The following CAMK2B variants were observed in gnomAD, a reference collection of about 807,000 sequenced individuals.
The protein encoded by CAMK2B is calcium/calmodulin dependent protein kinase II beta.
Under a neutral mutation model 93.7 loss-of-function variants are expected in CAMK2B, and 27 were observed. The observed-to-expected ratio is 0.29, with a 90% CI of 0.21 to 0.40. The LOEUF is 0.40. Among genes scored for constraint, CAMK2B ranks in the 10% least tolerant of loss-of-function variants. CAMK2B has a pLI of 1.00. For synonymous variants in CAMK2B, 374 were observed against 358.8 expected (o/e 1.04, Z -0.48); for missense variants, 568 against 895.8 (o/e 0.63, Z 4.67).
At chr7:44,232,979 C>G in intron 15 of CAMK2B, 113 bp from the exon 16 acceptor site, 1 of 933,796 alleles carries the variant, frequency 1.1e-6, no homozygotes, top group Non-Finnish European at 1.7e-6. Context: ...GTGGCCAGAG[C>G]CTGCGAGAAA....
intron 2 of CAMK2B, among the ~76,000 whole-genome samples, chr7:44,283,380 CT>C (rs1363048110): frequency 6.6e-6 from 1 of 152,272 alleles, no homozygotes; most frequent in Non-Finnish European, 1.5e-5. Context: ...AGCCTGTCTG[CT>C]CCATCACTGC....
intron 2 of CAMK2B, 63 bp from the exon 3 acceptor site, chr7:44,263,127 C>A (rs1421513624): frequency 8.5e-6 from 13 of 1,530,912 alleles, no homozygotes; most frequent in Non-Finnish European, 7.2e-6. Flanking sequence ...CAGGGATCGT[C>A]CATGTCAGGA....
chr7:44,225,967 C>T lies in CAMK2B; in HGVS notation c.1597+549G>A. ...CCTGGCTCCTCCCTGGCCGGGGAGG[C>T]TGCCCAGCCTGTGCTTCCTGTCCCG... On this transcript the variant is annotated intron_variant, in intron 20 of 23. Transcript: ENST00000395749. This position sits in a 1 kb window ranked among gnomAD's most constrained non-coding sequence, Gnocchi z 5.0. 1 of 1,220,772 alleles carries T rather than the reference C, an allele frequency of 8.2e-7. No individual in the cohort carries two copies. The highest frequency in any genetic ancestry group is 1.1e-6 in the Non-Finnish European group (1 of 941,478). 75.6% of individuals were successfully genotyped at this position (1,220,772 alleles called of 1,614,324 possible).
At chr7:44,228,766 G>C in intron 19 of CAMK2B, 30 bp downstream of exon 19, 1 of 1,441,360 alleles carries the variant, frequency 6.9e-7, no homozygotes. Flanking sequence ...TCCGGCAGCA[G>C]AGGCGGCAGG....
At chr7:44,244,245 A>G (rs2096709556) in intron 6 of CAMK2B, among the ~76,000 whole-genome samples, 2 of 152,160 alleles carry the variant, frequency 1.3e-5, no homozygotes, top group South Asian at 4.1e-4. Context: ...TGACACAGAG[A>G]GCAGTGCCCT....
intron 1 of CAMK2B, among the ~76,000 whole-genome samples, chr7:44,284,500 A>G (rs35771675): frequency 0.36 from 55,157 of 152,128 alleles, 10,448 homozygotes; most frequent in Middle Eastern, 0.43. Flanking sequence ...CTGTGCAGAG[A>G]AGAAGGATCA....
At chr7:44,269,140 G>A (rs2096948354) in intron 2 of CAMK2B, among the ~76,000 whole-genome samples, 6 of 152,240 alleles carry the variant, frequency 3.9e-5, no homozygotes, top group African/African-American at 2.4e-5. Context: ...CATCTGCAGG[G>A]TGAGGCACAG....
intron 1 of CAMK2B, among the ~76,000 whole-genome samples, chr7:44,290,137 G>A (rs1268388838): frequency 6.6e-6 from 1 of 152,222 alleles, no homozygotes; most frequent in African/African-American, 2.4e-5. Context: ...ACAGCCAAGG[G>A]CCATGGGACC....
chr7:44,280,161 G>C (rs1289081833), intron 2 of CAMK2B, among the ~76,000 whole-genome samples: 1 of 152,236 alleles, frequency 6.6e-6, no homozygotes, highest in East Asian at 1.9e-4. Flanking sequence ...TGTGCAGAGG[G>C]GCCAGGAAGC....
rs2096367132 is a variant in CAMK2B, at chr7:44,219,280, TTTG to T, written c.*242_*244del. On this transcript the variant is annotated 3_prime_UTR_variant, in exon 24 of 24. Transcript: ENST00000395749. ...CAGCTTTTTCCTTCCTTTAGTTTTT[TTTG>T]TTTTTTTTTTTTTTCATTTCATCTG... The T allele has an allele frequency of 2.9e-5, 4 of 138,610 alleles. No homozygotes were observed. The South Asian group carries it at 6.8e-4, about 23-fold the overall frequency. The allele number at this position is 138,610 out of a possible 1,614,324, so 8.6% of individuals were successfully genotyped here.
rs1478456724 is a variant in CAMK2B at position 44,271,861 on chromosome 7, C to T, written c.161-8797G>A. Among the ~76,000 whole-genome samples the T allele has an allele frequency of 6.6e-6, 1 of 152,256 alleles. No homozygotes were observed. The highest frequency in any genetic ancestry group is 6.5e-5 in the Admixed American group (1 of 15,282). The stretch of plus-strand genomic sequence containing the variant: ...GCCATTCCTCCTAAAAGGAAAACTG[C>T]TCCTTGAGAATGACCCTATGAGTCC... On this transcript the variant is annotated intron_variant, in intron 2 of 23. Transcript: ENST00000395749. The surrounding 1 kb of genome is among the most constrained non-coding windows in gnomAD (Gnocchi z 4.2).
intron 2 of CAMK2B, among the ~76,000 whole-genome samples, chr7:44,283,656 C>G (rs112726422): frequency 0.022 from 3,380 of 152,342 alleles, 51 homozygotes; most frequent in Middle Eastern, 0.065. Flanking sequence ...GATGGCCAAC[C>G]GCAGCACTGC....
At chr7:44,282,425 G>A (rs1049385756) in intron 2 of CAMK2B, among the ~76,000 whole-genome samples, 1 of 152,206 alleles carries the variant, frequency 6.6e-6, no homozygotes, top group Non-Finnish European at 1.5e-5. Context: ...GGGAGCGCAT[G>A]CCTCTGGAGC....
chr7:44,299,735 C>T (rs1789373364), intron 1 of CAMK2B, among the ~76,000 whole-genome samples: 1 of 152,036 alleles, frequency 6.6e-6, no homozygotes, highest in Non-Finnish European at 1.5e-5. Context: ...GAGAAAACTC[C>T]TCATCTGTAA....
intron 1 of CAMK2B, among the ~76,000 whole-genome samples, chr7:44,319,729 T>C (rs1795621613): frequency 6.6e-6 from 1 of 152,176 alleles, no homozygotes; most frequent in Non-Finnish European, 1.5e-5. Flanking sequence ...CCCATCACAC[T>C]TGCTAGAGGA....
chr7:44,247,429 T>C (rs1261457224), intron 5 of CAMK2B, among the ~76,000 whole-genome samples: 3 of 152,190 alleles, frequency 2.0e-5, no homozygotes, highest in African/African-American at 7.2e-5. Flanking sequence ...TCAGAGGGCA[T>C]GGCTAGGCAC....
chr7:44,289,252 C>T (rs539917927), intron 1 of CAMK2B, among the ~76,000 whole-genome samples: 2 of 152,354 alleles, frequency 1.3e-5, no homozygotes, highest in East Asian at 3.9e-4. Context: ...TCCACTAAGT[C>T]ATGCTGGTCG....
chr7:44,232,277 TG>T (rs1583928232), intron 16 of CAMK2B, among the ~76,000 whole-genome samples: 2 of 152,106 alleles, frequency 1.3e-5, no homozygotes, highest in East Asian at 3.9e-4. Flanking sequence ...GGCGCTGTTT[TG>T]GAAGTCCTGG....
chr7:44,278,225 A>G (rs1279270368), intron 2 of CAMK2B, among the ~76,000 whole-genome samples: 1 of 152,172 alleles, frequency 6.6e-6, no homozygotes, highest in African/African-American at 2.4e-5. Context: ...CCAGAAAGCT[A>G]CTGGGTATTC....
Sources: gnomAD v4.1 joint callset for allele counts (sites outside exome capture counted in the v4.1 genomes callset) on GRCh38, gnomAD v4.1.1 for gene constraint, Gnocchi (gnomAD v3.1) non-coding constraint, MANE v1.5 for transcripts, NCBI Gene and HGNC (gene_info 2026-07-23, HGNC 2026-07-21) for gene names.